UBR1: variants seen among roughly 807,000 people sequenced by gnomAD.
The protein encoded by UBR1 is ubiquitin protein ligase E3 component n-recognin 1.
UBR1 carries 102 observed loss-of-function variants against 242.1 expected under a neutral mutation model. That is an observed-to-expected ratio of 0.42 (90% CI 0.36 to 0.50). The LOEUF is 0.50. UBR1 is among the 20% of genes least tolerant of loss of function. UBR1 has a pLI of 0.01. For synonymous variants in UBR1, 675 were observed against 684.8 expected (o/e 0.99, Z 0.22); for missense variants, 1,772 against 2,101.8 (o/e 0.84, Z 3.07).
chr15:43,066,232 C>G (rs1324353376), intron 6 of UBR1, among the ~76,000 whole-genome samples: 4 of 152,060 alleles, frequency 2.6e-5, no homozygotes, highest in Admixed American at 2.6e-4. Flanking sequence ...GAATCCTTTC[C>G]CCATTGCTTG....
chr15:43,097,610 TC>T (rs1337331191), intron 1 of UBR1, among the ~76,000 whole-genome samples: 1 of 152,250 alleles, frequency 6.6e-6, no homozygotes, highest in Non-Finnish European at 1.5e-5. Flanking sequence ...CTGCATCTTC[TC>T]CATCAATCAG....
chr15:43,073,706 GTTAT>G (rs2033852688), intron 4 of UBR1, among the ~76,000 whole-genome samples: 1 of 152,072 alleles, frequency 6.6e-6, no homozygotes. Flanking sequence ...AATTATATTG[GTTAT>G]TTATTGTTTT....
At chr15:42,964,141 C>T in intron 41 of UBR1, 98 bp from the exon 42 acceptor site, 2 of 868,284 alleles carry the variant, frequency 2.3e-6, no homozygotes, top group Non-Finnish European at 1.9e-6. Flanking sequence ...TTTCTACACT[C>T]TCCTTGTAGA....
intron 43 of UBR1, 95 bp from the exon 44 acceptor site, chr15:42,958,185 A>G (rs1374182396): frequency 2.5e-6 from 2 of 810,770 alleles, no homozygotes; most frequent in East Asian, 2.6e-5. Context: ...AAAAATAACA[A>G]AAGGATCTAC....
intron 11 of UBR1, 34 bp from the exon 12 acceptor site, chr15:43,054,933 T>C (rs754483456): frequency 1.9e-6 from 3 of 1,611,668 alleles, no homozygotes; most frequent in Non-Finnish European, 2.5e-6. Context: ...TTCTTTAGCA[T>C]TAACTCATTG....
At chr15:43,042,360 A>G (rs1596115497) in intron 15 of UBR1, among the ~76,000 whole-genome samples, 2 of 152,306 alleles carry the variant, frequency 1.3e-5, no homozygotes, top group Admixed American at 6.5e-5. Flanking sequence ...TTAAAAAAAA[A>G]GGGAATTCTG....
rs16957277 is a variant in UBR1, at chr15:42,945,374, T to C, written c.5205A>G (p.Gln1735=). 0.041 allele frequency: 65,635 copies of C among 1,614,116 alleles called. 1,949 individuals carry two copies. The highest frequency in any genetic ancestry group is 0.12 in the African/African-American group (9,197 of 75,014). The stretch of plus-strand genomic sequence containing the variant: ...ATCCAAATAACATCTGATTAGTCTC[T>C]TGGCTCCTAGCAATCTCTTCTATAA... ...HCIIEEIARS[Q]ETNQMLFGFN... is the part of the protein sequence containing the mutation. The change falls in exon 47 of 47, where the codon CAA becomes CAG. Residue 1735 remains glutamine (Q), a synonymous_variant. Transcript: ENST00000290650.
intron 37 of UBR1, 84 bp from the exon 38 acceptor site, chr15:42,978,031 C>A (rs2032316936): frequency 9.6e-7 from 1 of 1,038,978 alleles, no homozygotes; most frequent in South Asian, 1.3e-5. Flanking sequence ...ACACCTAAAC[C>A]AAACATATAA....
In UBR1 at chr15:43,082,805, C is replaced by G. The variant is rs76471986; in HGVS notation, c.339-89G>C. ...CTATAATACAATGTGAACAAGTTTC[C>G]TCTATGGTACACAAACTGAATATGA... On this transcript the variant is annotated intron_variant, in intron 2 of 46. Transcript: ENST00000290650. The G allele has an allele frequency of 2.8e-5, 26 of 924,512 alleles. No individual in the cohort carries two copies. The South Asian group carries it at 3.5e-4, about 12-fold the overall frequency. 57.3% of individuals were successfully genotyped at this position (924,512 alleles called of 1,614,324 possible).
chr15:43,009,466 T>C (rs1006247870), intron 29 of UBR1, among the ~76,000 whole-genome samples: 9 of 152,194 alleles, frequency 5.9e-5, no homozygotes, highest in Non-Finnish European at 1.2e-4. Context: ...TTGGCAGGCA[T>C]GGGATCCAGG....
chr15:43,014,899 C>G (rs2032992486), intron 29 of UBR1, among the ~76,000 whole-genome samples: 1 of 151,224 alleles, frequency 6.6e-6, no homozygotes, highest in Non-Finnish European at 1.5e-5. Flanking sequence ...AGCCCCCGCC[C>G]GGCCAGCCAC....
At chr15:42,980,733 C>T (rs574875057) in intron 37 of UBR1, among the ~76,000 whole-genome samples, 2 of 152,030 alleles carry the variant, frequency 1.3e-5, no homozygotes, top group Non-Finnish European at 2.9e-5. Flanking sequence ...CTCAGCCTCC[C>T]GAGTAGCCAG....
rs188924413 is a variant in UBR1 at position 43,032,987 on chromosome 15, G to A, written c.2191-356C>T. ...AATAGATTGCCAACAGTTATATGGT[G>A]AGAGTATCCTTCTCTAACACGCCCC... On this transcript the variant is annotated intron_variant, in intron 19 of 46. Coordinates refer to ENST00000290650, the MANE Select transcript of UBR1 (RefSeq NM_174916.3). Among the ~76,000 whole-genome samples the A allele has an allele frequency of 3.9e-5, 6 of 152,284 alleles. No individual in the cohort carries two copies. The East Asian group carries it at 9.6e-4, about 24-fold the overall frequency.
At chr15:42,989,048 A>G in intron 34 of UBR1, 81 bp from the exon 35 acceptor site, 1 of 1,228,198 alleles carries the variant, frequency 8.1e-7, no homozygotes, top group Non-Finnish European at 1.2e-6. Flanking sequence ...CTGAAGCAAC[A>G]GAAACAATTT....
At chr15:42,952,870 A>G (rs2031857933) in intron 44 of UBR1, among the ~76,000 whole-genome samples, 1 of 152,184 alleles carries the variant, frequency 6.6e-6, no homozygotes, top group South Asian at 2.1e-4. Flanking sequence ...AATTGTTTAA[A>G]AGAAAAAAAA....
chr15:43,058,432 A>G lies in UBR1; in HGVS notation c.1094-3T>C, dbSNP rs767475649. 2 of 1,608,738 alleles carry G rather than the reference A, an allele frequency of 1.2e-6. No homozygotes were observed. The highest frequency in any genetic ancestry group is 1.1e-5 in the South Asian group (1 of 89,760). ...TTCATGAAGGATCTTACGGGCACCT[A>G]TAGATTATTTTGGGGAGGGTGGGGG... On this transcript the variant is annotated splice_region_variant and splice_polypyrimidine_tract_variant and intron_variant, in intron 9 of 46. Coordinates refer to ENST00000290650, the MANE Select transcript of UBR1 (RefSeq NM_174916.3).
intron 45 of UBR1, 25 bp from the exon 46 acceptor site, chr15:42,950,388 T>C: frequency 1.9e-6 from 3 of 1,603,388 alleles, no homozygotes; most frequent in Non-Finnish European, 2.6e-6. Flanking sequence ...CAATAGGAAA[T>C]ATGGTTAAGT....
intron 37 of UBR1, among the ~76,000 whole-genome samples, chr15:42,983,664 T>C (rs1008002469): frequency 2.8e-5 from 1 of 36,162 alleles, no homozygotes; most frequent in Non-Finnish European, 7.0e-5. Context: ...AAACTCCCAC[T>C]CAATAATAAT....
chr15:43,027,092 A>C (rs1183000252), intron 22 of UBR1, among the ~76,000 whole-genome samples: 3 of 152,142 alleles, frequency 2.0e-5, no homozygotes, highest in African/African-American at 7.2e-5. Flanking sequence ...AAATGAAAAT[A>C]TACTACTGAA....
Sources: gnomAD v4.1 joint callset for allele counts (sites outside exome capture counted in the v4.1 genomes callset) on GRCh38, gnomAD v4.1.1 for gene constraint, MANE v1.5 for transcripts, NCBI Gene and HGNC (gene_info 2026-07-23, HGNC 2026-07-21) for gene names.